Variants in FMN1 observed in about 807,000 individuals in gnomAD.
The protein encoded by FMN1 is formin-1.
Under a neutral mutation model 132.4 loss-of-function variants are expected in FMN1, and 110 were observed. The observed-to-expected ratio is 0.83, with a 90% CI of 0.71 to 0.97. The LOEUF is 0.97. Among genes scored for constraint, FMN1 ranks in the 50% least tolerant of loss-of-function variants. The pLI is 0.00. For missense variants in FMN1, 1,792 were observed against 1,705.3 expected, an observed-to-expected ratio of 1.05 and a Z score of -0.90; for synonymous variants, 722 against 651.7, an observed-to-expected ratio of 1.11 and a Z score of -1.64.
In FMN1 at chr15:32,901,991, A is replaced by T. The variant is rs2060308674; in HGVS notation, c.3427T>A (p.Cys1143Ser). The T allele has an allele frequency of 6.2e-7, 1 of 1,613,432 alleles. No homozygotes were observed. Residue 1143 changes from cysteine (C) to serine (S), a missense_variant, in exon 13 of 21, where the codon TGC becomes AGC. Physicochemically the swap from Cys to Ser is moderately radical, Grantham distance 112. Coordinates refer to ENST00000616417, the MANE Select transcript of FMN1 (RefSeq NM_001277313.2). The part of the protein sequence containing the change: ...QIPNFAERAQ[C>S]IIFRSVFSEG... ...GAAAAGACAGATCTGAAGATTATGC[A>T]CTGGGCACGTTCAGCAAAATTAGGA...
chr15:33,067,190 T>A, intron 5 of FMN1: 1 of 1,613,842 alleles, frequency 6.2e-7, no homozygotes, highest in Middle Eastern at 1.6e-4. Context: ...CACCTGGTCC[T>A]GGCTGGGGCG....
intron 6 of FMN1, among the ~76,000 whole-genome samples, chr15:33,023,196 C>A (rs1338984984): frequency 1.3e-5 from 2 of 151,370 alleles, no homozygotes; most frequent in Non-Finnish European, 1.5e-5. Flanking sequence ...GCGACTTAGT[C>A]TGGGGGTCTT....
chr15:32,922,105 TGTTGG>T (rs2060841905), intron 10 of FMN1, among the ~76,000 whole-genome samples: 1 of 152,184 alleles, frequency 6.6e-6, no homozygotes, highest in African/African-American at 2.4e-5. Flanking sequence ...TCTACTATAA[TGTTGG>T]GCTGCTTTAC....
Position 32,910,479 on chromosome 15 carries a change from CAT to C in FMN1, c.3281_3282del (p.Tyr1094Ter). The C allele has an allele frequency of 1.3e-6, 2 of 1,576,752 alleles. No individual in the cohort carries two copies. Among genetic ancestry groups the C allele is most frequent in the Admixed American group, 1.8e-5 (1 of 54,596 alleles). On this transcript the variant is annotated frameshift_variant, in exon 11 of 21. Transcript: ENST00000616417. LOFTEE classifies it high-confidence loss of function. Reference sequence around the variant, plus strand: ...TGTAAGTCTTTGACACTCACGTTTTCATATAAGGCTGCCAGGGTCTCCAGATC... The same window carrying C: ...TGTAAGTCTTTGACACTCACGTTTTCATAAGGCTGCCAGGGTCTCCAGATC... Reference protein sequence around the residue: ...VVDLETLAALYENRAQEDELV... With the variant: ...VVDLETLAALXENRAQEDELV...
At chr15:32,900,155 G>A (rs755796586) in intron 13 of FMN1, 30 bp from the exon 14 acceptor site, 107 of 1,611,932 alleles carry the variant, frequency 6.6e-5, no homozygotes, top group Non-Finnish European at 8.6e-5. Flanking sequence ...TTATTACGGA[G>A]CTGAACTCCA....
At chr15:32,774,490 G>T in intron 20 of FMN1, 136 bp from the exon 21 acceptor site, 2 of 659,798 alleles carry the variant, frequency 3.0e-6, no homozygotes, top group Non-Finnish European at 5.3e-6. Flanking sequence ...TACCTCTACT[G>T]CTTTCCCTAA....
intron 16 of FMN1, among the ~76,000 whole-genome samples, chr15:32,877,762 C>G (rs558159951): frequency 4.6e-5 from 7 of 152,126 alleles, no homozygotes; most frequent in Admixed American, 2.0e-4. Flanking sequence ...ATTCTACTCA[C>G]GGATGCTTAT....
At chr15:32,839,731 C>T (rs928222652) in intron 17 of FMN1, among the ~76,000 whole-genome samples, 1 of 151,380 alleles carries the variant, frequency 6.6e-6, no homozygotes, top group Non-Finnish European at 1.5e-5. Context: ...CTCTTGAGAA[C>T]CGATTTCTCC....
At chr15:33,127,710 C>A (rs1963231503) in intron 4 of FMN1, among the ~76,000 whole-genome samples, 2 of 152,206 alleles carry the variant, frequency 1.3e-5, no homozygotes, top group Admixed American at 6.5e-5. Flanking sequence ...CTATGCTGAA[C>A]CTGTGGTTTC....
chr15:33,059,625 T>A (rs998861503), intron 6 of FMN1, among the ~76,000 whole-genome samples: 1 of 152,220 alleles, frequency 6.6e-6, no homozygotes, highest in Non-Finnish European at 1.5e-5. Flanking sequence ...ACTATCTTTA[T>A]CTCCAAATTA....
intron 17 of FMN1, chr15:32,837,437 T>G (rs568315124): frequency 7.8e-5 from 12 of 152,926 alleles, no homozygotes; most frequent in Admixed American, 6.5e-4. Flanking sequence ...TCTCCCTCAG[T>G]CTCTTTATTA....
chr15:32,936,644 G>C (rs575039003), intron 9 of FMN1, among the ~76,000 whole-genome samples: 1 of 152,068 alleles, frequency 6.6e-6, no homozygotes, highest in African/African-American at 2.4e-5. Flanking sequence ...GAGAAAAGAG[G>C]AGGGGGAGTG....
chr15:33,101,976 G>C (rs186601888), intron 4 of FMN1, among the ~76,000 whole-genome samples: 69 of 152,194 alleles, frequency 4.5e-4, no homozygotes, highest in African/African-American at 1.3e-3. Flanking sequence ...ACCAGTATCT[G>C]AAAGACAAGT....
chr15:32,971,553 C>T (rs2031794947), intron 7 of FMN1, among the ~76,000 whole-genome samples: 1 of 152,116 alleles, frequency 6.6e-6, no homozygotes, highest in South Asian at 2.1e-4. Flanking sequence ...ACATCTTAGC[C>T]CTGATTACCA....
chr15:32,863,615 G>T (rs1408175778), intron 16 of FMN1, among the ~76,000 whole-genome samples: 1 of 152,076 alleles, frequency 6.6e-6, no homozygotes, highest in Non-Finnish European at 1.5e-5. Context: ...TTTCTTAATG[G>T]GTATGGCACG....
chr15:32,825,471 A>AC (rs2058341663), intron 17 of FMN1, among the ~76,000 whole-genome samples: 1 of 152,084 alleles, frequency 6.6e-6, no homozygotes, highest in African/African-American at 2.4e-5. Flanking sequence ...GCTTCCTATA[A>AC]CTGGCTCCTT....
chr15:33,003,670 CTTCACAGAA>C (rs1372711354), intron 7 of FMN1, among the ~76,000 whole-genome samples: 1 of 152,174 alleles, frequency 6.6e-6, no homozygotes, highest in African/African-American at 2.4e-5. Flanking sequence ...CAATGACTTT[CTTCACAGAA>C]TTGGAAAAAA....
chr15:33,078,180 G>C (rs188929890), intron 5 of FMN1, among the ~76,000 whole-genome samples: 1 of 152,170 alleles, frequency 6.6e-6, no homozygotes, highest in African/African-American at 2.4e-5. Context: ...GCATCCACGC[G>C]TAAAATGGGA....
At chr15:32,997,845 A>T (rs538864594) in intron 7 of FMN1, among the ~76,000 whole-genome samples, 30 of 152,334 alleles carry the variant, frequency 2.0e-4, no homozygotes, top group African/African-American at 7.0e-4. Context: ...AGAAGAGAGG[A>T]AGAAAGGGAA....
Sources: allele counts gnomAD v4.1 joint callset (sites outside exome capture counted in the v4.1 genomes callset), GRCh38; gene constraint gnomAD v4.1.1; transcripts MANE v1.5; gene names NCBI Gene and HGNC (gene_info 2026-07-23, HGNC 2026-07-21).